ANKS1B: variants seen among roughly 807,000 people sequenced by gnomAD.
ANKS1B encodes ankyrin repeat and sterile alpha motif domain-containing protein 1B.
Under a neutral mutation model 148.3 loss-of-function variants are expected in ANKS1B, and 36 were observed. That is an observed-to-expected ratio of 0.24 (90% CI 0.19 to 0.32). The LOEUF is 0.32. ANKS1B is among the 10% of genes least tolerant of loss of function. The pLI, the probability that ANKS1B is intolerant of heterozygous loss-of-function variation, is 1.00. For missense variants in ANKS1B, 1,157 were observed against 1,542.6 expected (o/e 0.75, Z 4.19); for synonymous variants, 542 against 560.8 (o/e 0.97, Z 0.47).
At chr12:99,460,879 C>T (rs1049393656) in intron 10 of ANKS1B, among the ~76,000 whole-genome samples, 1 of 152,054 alleles carries the variant, frequency 6.6e-6, no homozygotes, top group Non-Finnish European at 1.5e-5. Context: ...TTTGATCCAA[C>T]AATCCCACTC....
chr12:99,575,296 T>C (rs1345666737), intron 9 of ANKS1B, among the ~76,000 whole-genome samples: 1 of 151,976 alleles, frequency 6.6e-6, no homozygotes, highest in East Asian at 1.9e-4. Flanking sequence ...AAACTAAACT[T>C]CATACGTGAA....
intron 16 of ANKS1B, among the ~76,000 whole-genome samples, chr12:99,056,870 G>A (rs2040371438): frequency 6.6e-6 from 1 of 152,130 alleles, no homozygotes; most frequent in Non-Finnish European, 1.5e-5. Flanking sequence ...CCATTTGTAG[G>A]ACATCTCACA....
At chr12:99,424,567 C>A (rs1327831040) in intron 11 of ANKS1B, among the ~76,000 whole-genome samples, 1 of 151,676 alleles carries the variant, frequency 6.6e-6, no homozygotes, top group Non-Finnish European at 1.5e-5. Context: ...GAGAAACAAT[C>A]TGGATTTTAT....
In ANKS1B at chr12:99,582,331, C is replaced by G. The variant is rs566153059; in HGVS notation, c.1272+72736G>C. On this transcript the variant is annotated intron_variant, in intron 9 of 26. Transcript: ENST00000683438. ...TATTTACCATAAGACTATGTAATCC[C>G]ACATCTAGGTATTTTTTAAAAAAAA... 5.0e-4 allele frequency among the ~76,000 whole-genome samples: 76 copies of G among 151,690 alleles called. 1 individual carries two copies. The highest frequency in any genetic ancestry group is 1.2e-3 in the Admixed American group (19 of 15,248).
rs3081654 is a variant in ANKS1B, at chr12:99,632,727, CTATATATATATATATATATA to C, written c.1272+22320_1272+22339del. ...TTTGGCCTGTGTCTTCCTTTTCTTT[CTATATATATATATATATATA>C]TATATATATATATATATATATTTTA... is the stretch of plus-strand genomic sequence containing the variant. On this transcript the variant is annotated intron_variant, in intron 9 of 26. Coordinates refer to ENST00000683438, the MANE Select transcript of ANKS1B (RefSeq NM_001352186.2). 4.7e-3 allele frequency among the ~76,000 whole-genome samples: 183 copies of C among 39,044 alleles called. 4 individuals carry two copies. The highest frequency in any genetic ancestry group is 6.8e-3 in the Non-Finnish European group (122 of 17,864). The allele number at this position is 39,044 out of a possible 152,430, so 25.6% of individuals were successfully genotyped here.
At chr12:99,691,483 A>T (rs2098679073) in intron 8 of ANKS1B, among the ~76,000 whole-genome samples, 1 of 152,174 alleles carries the variant, frequency 6.6e-6, no homozygotes. Context: ...ACCCTAAATC[A>T]TCTTTCTCAA....
At chr12:99,550,910 T>C (rs897424254) in intron 9 of ANKS1B, among the ~76,000 whole-genome samples, 2 of 152,202 alleles carry the variant, frequency 1.3e-5, no homozygotes, top group Non-Finnish European at 2.9e-5. Flanking sequence ...TTGATTATCT[T>C]CCTCTGCTGC....
intron 9 of ANKS1B, among the ~76,000 whole-genome samples, chr12:99,603,763 T>G (rs2097826240): frequency 6.6e-6 from 1 of 152,144 alleles, no homozygotes; most frequent in Non-Finnish European, 1.5e-5. Context: ...AAAAAATCTT[T>G]AAATATAGAA....
chr12:99,035,452 C>CA (rs2099954932), intron 17 of ANKS1B, among the ~76,000 whole-genome samples: 1 of 152,074 alleles, frequency 6.6e-6, no homozygotes, highest in Non-Finnish European at 1.5e-5. Context: ...TAGATCAGAC[C>CA]CTTTTTTTGG....
chr12:98,852,641 T>G (rs529086300), intron 17 of ANKS1B, among the ~76,000 whole-genome samples: 1 of 152,262 alleles, frequency 6.6e-6, no homozygotes, highest in African/African-American at 2.4e-5. Flanking sequence ...TTTGATATTG[T>G]TATCCCTGTT....
chr12:99,629,882 G>GA (rs971823628), intron 9 of ANKS1B, among the ~76,000 whole-genome samples: 5 of 152,070 alleles, frequency 3.3e-5, no homozygotes, highest in African/African-American at 1.2e-4. Context: ...TACAAGCAAT[G>GA]AAAAAATAAT....
intron 9 of ANKS1B, among the ~76,000 whole-genome samples, chr12:99,589,040 A>G (rs148600573): frequency 1.5e-3 from 231 of 152,350 alleles, no homozygotes; most frequent in African/African-American, 5.0e-3. Context: ...TCCTCAAAGT[A>G]GTGCTGTGTC....
intron 6 of ANKS1B, 109 bp from the exon 7 acceptor site, chr12:99,775,770 C>G (rs1489642519): frequency 7.1e-6 from 4 of 563,230 alleles, no homozygotes; most frequent in Admixed American, 6.3e-5. Context: ...TTTTCATATC[C>G]TAAATATATC....
chr12:99,259,583 C>A (rs1263004817), intron 12 of ANKS1B, among the ~76,000 whole-genome samples: 1 of 152,168 alleles, frequency 6.6e-6, no homozygotes, highest in Non-Finnish European at 1.5e-5. Flanking sequence ...GGCTATCAGC[C>A]AATTTCCCCA....
chr12:98,833,488 GT>G (rs1566979994), intron 17 of ANKS1B, among the ~76,000 whole-genome samples: 1 of 152,070 alleles, frequency 6.6e-6, no homozygotes, highest in Non-Finnish European at 1.5e-5. Flanking sequence ...TTCCAAAGTC[GT>G]TATCCCATGT....
rs1192902661 is a variant in ANKS1B, at chr12:98,744,250, C to A, written c.*1489G>T. The A allele has an allele frequency of 1.0e-6, 1 of 955,440 alleles. No individual in the cohort carries two copies. Among genetic ancestry groups the A allele is most frequent in the Non-Finnish European group, 1.2e-6 (1 of 802,502 alleles). 59.2% of individuals were successfully genotyped at this position (955,440 alleles called of 1,614,324 possible). A position where few individuals can be genotyped will look rare whatever the true frequency, so the allele number is the denominator to read the frequency against. ...AGTAATTTAATATTGTATTAAAATTCTTCAACACTGAACTAAAACCGTATA... is the reference window on the plus strand; with the variant it reads ...AGTAATTTAATATTGTATTAAAATTATTCAACACTGAACTAAAACCGTATA... On this transcript the variant is annotated 3_prime_UTR_variant, in exon 27 of 27. Coordinates refer to ENST00000683438, the MANE Select transcript of ANKS1B (RefSeq NM_001352186.2).
chr12:99,965,398 A>G (rs2095472692), intron 1 of ANKS1B, among the ~76,000 whole-genome samples: 1 of 152,246 alleles, frequency 6.6e-6, no homozygotes, highest in South Asian at 2.1e-4. Flanking sequence ...ATATAAATAA[A>G]TGAATAAAAG....
chr12:98,768,176 G>T (rs899767381), intron 25 of ANKS1B, among the ~76,000 whole-genome samples: 11 of 152,088 alleles, frequency 7.2e-5, no homozygotes, highest in African/African-American at 2.7e-4. Context: ...TGACAACAAC[G>T]AGAGCATAGA....
intron 17 of ANKS1B, among the ~76,000 whole-genome samples, chr12:98,933,545 C>T (rs1419906226): frequency 6.6e-6 from 1 of 151,912 alleles, no homozygotes; most frequent in African/African-American, 2.4e-5. Context: ...ATGTGGTAGA[C>T]ATATGTTTGT....
Sources: gnomAD v4.1 joint callset for allele counts (sites outside exome capture counted in the v4.1 genomes callset) on GRCh38, gnomAD v4.1.1 for gene constraint, MANE v1.5 for transcripts, NCBI Gene and HGNC (gene_info 2026-07-23, HGNC 2026-07-21) for gene names.